ADAMTSL1: variants seen among roughly 807,000 people sequenced by gnomAD.
ADAMTSL1 encodes ADAMTS like 1, also known as ADAMTS-like protein 1.
Under a neutral mutation model 201.8 loss-of-function variants are expected in ADAMTSL1, and 126 were observed. The ratio of observed to expected loss-of-function variants is 0.62; its 90% confidence interval spans 0.54 to 0.72. ADAMTSL1 has a LOEUF of 0.72. ADAMTSL1 is among the 30% of genes least tolerant of loss of function. The pLI, the probability that ADAMTSL1 is intolerant of heterozygous loss-of-function variation, is 0.00. For synonymous variants in ADAMTSL1, 1,121 were observed against 903.4 expected (o/e 1.24, Z -4.32); for missense variants, 2,679 against 2,277.8 (o/e 1.18, Z -3.59).
chr9:18,287,881 C>T (rs933208584), intron 2 of ADAMTSL1, among the ~76,000 whole-genome samples: 5 of 152,102 alleles, frequency 3.3e-5, no homozygotes, highest in African/African-American at 4.8e-5. Context: ...TAATCCCATT[C>T]AAGTTTTTCT....
intron 14 of ADAMTSL1, chr9:18,718,533 A>G (rs1437277896): frequency 1.9e-6 from 1 of 516,878 alleles, no homozygotes; most frequent in Non-Finnish European, 3.9e-6. Flanking sequence ...TGCATGATGC[A>G]AACTTGTCGA....
In ADAMTSL1 at chr9:18,780,202, G is replaced by A. The variant is rs563144397; in HGVS notation, c.3677+2296G>A. Among the ~76,000 whole-genome samples, 22 of 152,206 alleles carry A rather than the reference G, an allele frequency of 1.4e-4. No individual in the cohort carries two copies. The South Asian group carries it at 4.6e-3, about 32-fold the overall frequency. ...GTGGAAGGAGGTAGACAAGCATTGA[G>A]GGGTCCAATCTGATCTTGCCAAGGC... is the stretch of plus-strand genomic sequence containing the variant. On this transcript the variant is annotated intron_variant, in intron 19 of 28. Transcript: ENST00000380548.
At chr9:18,055,974 C>T (rs1203686922) in intron 1 of ADAMTSL1, among the ~76,000 whole-genome samples, 2 of 152,288 alleles carry the variant, frequency 1.3e-5, no homozygotes, top group East Asian at 3.9e-4. Context: ...ATTGCAACAT[C>T]CATTTTTTGA....
intron 2 of ADAMTSL1, among the ~76,000 whole-genome samples, chr9:18,216,598 C>G (rs1830063417): frequency 6.6e-6 from 1 of 151,678 alleles, no homozygotes; most frequent in African/African-American, 2.4e-5. Flanking sequence ...TAAGCCAGCC[C>G]TTACATAACA....
chr9:18,762,168 T>C (rs1489521271), intron 16 of ADAMTSL1, among the ~76,000 whole-genome samples: 1 of 152,146 alleles, frequency 6.6e-6, no homozygotes, highest in Admixed American at 6.5e-5. Flanking sequence ...GAATTCCCTT[T>C]CCTCAAAAGA....
chr9:17,936,942 G>T lies in ADAMTSL1; in HGVS notation c.87+30020G>T, dbSNP rs1277255305. ...GCATGTTTGGGTTGGGTTGTTGGAG[G>T]GGTTTCCCATGGACATGGTTTTGTA... On this transcript the variant is annotated intron_variant, in intron 1 of 29. Coordinates refer to the ADAMTSL1 transcript ENST00000680146. Among the ~76,000 whole-genome samples the T allele has an allele frequency of 2.0e-5, 3 of 152,140 alleles. No individual in the cohort carries two copies. In the East Asian group the frequency reaches 5.8e-4, roughly 29 times the overall value.
chr9:18,381,411 A>G (rs1837549137), intron 2 of ADAMTSL1, among the ~76,000 whole-genome samples: 1 of 152,204 alleles, frequency 6.6e-6, no homozygotes, highest in Non-Finnish European at 1.5e-5. Flanking sequence ...TGGGACAAAT[A>G]TTAGTCCTAT....
chr9:18,855,706 A>G (rs1588244570), intron 23 of ADAMTSL1, among the ~76,000 whole-genome samples: 1 of 152,198 alleles, frequency 6.6e-6, no homozygotes, highest in East Asian at 1.9e-4. Flanking sequence ...TGATTATGGA[A>G]TTCTTCGTTT....
intron 3 of ADAMTSL1, among the ~76,000 whole-genome samples, chr9:18,556,249 T>A (rs750899038): frequency 2.0e-5 from 3 of 151,982 alleles, no homozygotes; most frequent in African/African-American, 7.2e-5. Context: ...GCTTGACTTA[T>A]GGTCTTAGCA....
intron 2 of ADAMTSL1, among the ~76,000 whole-genome samples, chr9:18,418,749 G>C (rs985009209): frequency 1.3e-5 from 2 of 152,152 alleles, no homozygotes; most frequent in East Asian, 1.9e-4. Context: ...ACTTGACATA[G>C]TAATGATGTT....
rs575493473 is a variant in ADAMTSL1 at position 18,306,299 on chromosome 9, A to C, written c.207+142318A>C. Among the ~76,000 whole-genome samples, 20 of 152,312 alleles carry C rather than the reference A, an allele frequency of 1.3e-4. 1 individual carries two copies. In the South Asian group the frequency reaches 4.0e-3, roughly 30 times the overall value. ...AATGCTTCTTCTCCTCCAAAGGATCACAACTCCTCACCAGCAAGGGAACAA... is the reference window on the plus strand; with the variant it reads ...AATGCTTCTTCTCCTCCAAAGGATCCCAACTCCTCACCAGCAAGGGAACAA... On this transcript the variant is annotated intron_variant, in intron 2 of 29. Transcript: ENST00000680146.
intron 2 of ADAMTSL1, among the ~76,000 whole-genome samples, chr9:18,325,352 C>T (rs1201788683): frequency 2.0e-5 from 3 of 152,162 alleles, no homozygotes; most frequent in Non-Finnish European, 4.4e-5. Context: ...AGTCCATCAA[C>T]AATAGAATGG....
intron 1 of ADAMTSL1, among the ~76,000 whole-genome samples, chr9:18,147,290 G>A (rs1368779133): frequency 1.3e-5 from 2 of 152,062 alleles, no homozygotes; most frequent in Non-Finnish European, 2.9e-5. Flanking sequence ...TGGTTTTAAA[G>A]AAAGTGATGG....
At chr9:18,895,751 C>G (rs1829592221) in intron 26 of ADAMTSL1, among the ~76,000 whole-genome samples, 1 of 152,092 alleles carries the variant, frequency 6.6e-6, no homozygotes, top group South Asian at 2.1e-4. Context: ...ATGGATTGCC[C>G]AATCACAGAG....
At chr9:18,328,419 C>G (rs1206684311) in intron 2 of ADAMTSL1, among the ~76,000 whole-genome samples, 1 of 152,206 alleles carries the variant, frequency 6.6e-6, no homozygotes, top group Non-Finnish European at 1.5e-5. Context: ...TTATTAAGCT[C>G]TTACTGCATA....
At chr9:17,951,284 A>G (rs1021036384) in intron 1 of ADAMTSL1, among the ~76,000 whole-genome samples, 3 of 152,278 alleles carry the variant, frequency 2.0e-5, no homozygotes, top group African/African-American at 7.2e-5. Flanking sequence ...ACAATGCTTC[A>G]GGGGCGATTT....
intron 15 of ADAMTSL1, among the ~76,000 whole-genome samples, chr9:18,750,116 ATT>A: frequency 6.6e-6 from 1 of 152,362 alleles, no homozygotes; most frequent in South Asian, 2.1e-4. Context: ...CACCCACAAC[ATT>A]TTAGTATTTC....
intron 2 of ADAMTSL1, among the ~76,000 whole-genome samples, chr9:18,258,980 C>T (rs778995065): frequency 5.3e-5 from 8 of 152,202 alleles, no homozygotes; most frequent in East Asian, 1.9e-4. Context: ...GATCATTCAA[C>T]GCACTTGACG....
intron 27 of ADAMTSL1, 121 bp downstream of exon 27, chr9:18,906,012 C>T (rs1830290714): frequency 2.3e-6 from 2 of 858,314 alleles, no homozygotes; most frequent in African/African-American, 1.7e-5. Context: ...CCTGGGACTC[C>T]ATCTCCATTC....
Sources: gnomAD v4.1 joint callset for allele counts (sites outside exome capture counted in the v4.1 genomes callset) on GRCh38, gnomAD v4.1.1 for gene constraint, MANE v1.5 for transcripts, NCBI Gene and HGNC (gene_info 2026-07-23, HGNC 2026-07-21) for gene names.